Variants in PPP4R4 observed in about 807,000 individuals in gnomAD.
PPP4R4 encodes protein phosphatase 4 regulatory subunit 4.
A neutral mutation model predicts 121.8 loss-of-function variants in PPP4R4; 70 were observed. The observed-to-expected ratio is 0.57, with a 90% CI of 0.47 to 0.70. The LOEUF (loss-of-function observed/expected upper bound fraction) is 0.70. Ranked by LOEUF, PPP4R4 falls within the 30% of genes least tolerant of loss-of-function variation. PPP4R4 has a pLI of 0.00. For missense variants in PPP4R4, 875 were observed against 1,033.6 expected, an observed-to-expected ratio of 0.85 and a Z score of 2.10; for synonymous variants, 348 against 355.7, an observed-to-expected ratio of 0.98 and a Z score of 0.24.
At chr14:94,253,104 A>G (rs1893276513) in intron 16 of PPP4R4, among the ~76,000 whole-genome samples, 1 of 152,246 alleles carries the variant, frequency 6.6e-6, no homozygotes, top group Non-Finnish European at 1.5e-5. Flanking sequence ...TTTTTGTTGC[A>G]TATTTCTTGT....
intron 18 of PPP4R4, 149 bp from the exon 19 acceptor site, chr14:94,259,146 C>CA: frequency 7.3e-7 from 1 of 1,361,818 alleles, no homozygotes; most frequent in Non-Finnish European, 9.9e-7. Flanking sequence ...CCGGTCCCTC[C>CA]CACAACATGT....
At position 94,207,500 on chromosome 14, in the gene PPP4R4, C is replaced by G. The variant is rs1310744460; in HGVS notation, c.192-964C>G. On this transcript the variant is annotated intron_variant, in intron 2 of 24. Coordinates refer to ENST00000304338, the MANE Select transcript of PPP4R4 (RefSeq NM_058237.2). ...AGCAAAAATAATATTATTTTAAAAA[C>G]TATGTAAAACATGTATTAAAGTCTT... Among the ~76,000 whole-genome samples the G allele has an allele frequency of 4.6e-5, 7 of 151,940 alleles. No individual in the cohort carries two copies. The East Asian group carries it at 1.4e-3, about 29-fold the overall frequency.
chr14:94,219,801 G>GA (rs554528123), intron 3 of PPP4R4, among the ~76,000 whole-genome samples: 1 of 151,362 alleles, frequency 6.6e-6, no homozygotes, highest in Non-Finnish European at 1.5e-5. Context: ...ACTATTTCTG[G>GA]AAAAAAAAAT....
At chr14:94,277,379 AGCT>A (rs1201368736) in intron 24 of PPP4R4, among the ~76,000 whole-genome samples, 1 of 152,164 alleles carries the variant, frequency 6.6e-6, no homozygotes, top group Non-Finnish European at 1.5e-5. Context: ...TCCCAGCAGC[AGCT>A]AAGTGGTTGT....
At chr14:94,202,665 T>C (rs1890252012) in intron 2 of PPP4R4, among the ~76,000 whole-genome samples, 1 of 152,184 alleles carries the variant, frequency 6.6e-6, no homozygotes, top group South Asian at 2.1e-4. Context: ...AAAATTCTGT[T>C]ACATTAACTG....
intron 3 of PPP4R4, among the ~76,000 whole-genome samples, chr14:94,215,194 T>C (rs1725986773): frequency 6.6e-6 from 1 of 152,212 alleles, no homozygotes; most frequent in Admixed American, 6.5e-5. Context: ...CAGCTCCGTG[T>C]GATGTATTTA....
At chr14:94,206,274 T>C (rs146654085) in intron 2 of PPP4R4, among the ~76,000 whole-genome samples, 21 of 152,154 alleles carry the variant, frequency 1.4e-4, no homozygotes, top group African/African-American at 4.8e-4. Context: ...GATACTCATA[T>C]AGCCACTCCT....
intron 16 of PPP4R4, among the ~76,000 whole-genome samples, chr14:94,255,281 C>T (rs1031772534): frequency 2.0e-5 from 3 of 152,170 alleles, no homozygotes; most frequent in Admixed American, 6.5e-5. Context: ...AATCCCTCAG[C>T]ACATCCTGCT....
At chr14:94,244,783 C>T in intron 12 of PPP4R4, 71 bp downstream of exon 12, 2 of 1,366,462 alleles carry the variant, frequency 1.5e-6, no homozygotes, top group Non-Finnish European at 1.9e-6. Flanking sequence ...CCTTTTCTCC[C>T]CTTCTTCTTG....
intron 1 of PPP4R4, chr14:94,175,771 C>G (rs1362965877): frequency 2.2e-6 from 1 of 448,432 alleles, no homozygotes; most frequent in Non-Finnish European, 4.0e-6. Context: ...GGATTTCAGC[C>G]AAGGTTCTGA....
chr14:94,189,057 T>G (rs1051630881), intron 2 of PPP4R4, among the ~76,000 whole-genome samples: 1 of 152,124 alleles, frequency 6.6e-6, no homozygotes, highest in African/African-American at 2.4e-5. Context: ...GGGAGAAAAT[T>G]GACTTTTTTT....
At chr14:94,193,819 A>C (rs549786465) in intron 2 of PPP4R4, among the ~76,000 whole-genome samples, 303 of 152,346 alleles carry the variant, frequency 2.0e-3, no homozygotes, top group Admixed American at 5.8e-3. Context: ...TGACAAAAGG[A>C]ATGGGTTGCT....
At chr14:94,246,620 T>C (rs1566687210) in intron 14 of PPP4R4, 81 bp downstream of exon 14, 1 of 1,406,882 alleles carries the variant, frequency 7.1e-7, no homozygotes, top group Non-Finnish European at 9.7e-7. Context: ...ATTTTCAAAA[T>C]AGTAGAACAA....
At chr14:94,249,265 C>G (rs1034569438) in intron 14 of PPP4R4, among the ~76,000 whole-genome samples, 1 of 151,694 alleles carries the variant, frequency 6.6e-6, no homozygotes, top group Admixed American at 6.6e-5. Flanking sequence ...TTTAAATTTT[C>G]TTTTCTAAAT....
chr14:94,196,675 T>C (rs1434071691), intron 2 of PPP4R4, among the ~76,000 whole-genome samples: 2 of 152,158 alleles, frequency 1.3e-5, no homozygotes, highest in African/African-American at 4.8e-5. Flanking sequence ...TGAAGTATTA[T>C]TGTGTTTATT....
intron 3 of PPP4R4, chr14:94,227,298 G>C (rs755973128): frequency 2.5e-6 from 4 of 1,611,040 alleles, no homozygotes; most frequent in Non-Finnish European, 3.4e-6. Flanking sequence ...CCATGAGGAT[G>C]CACACTTATT....
chr14:94,241,956 C>T lies in PPP4R4; in HGVS notation c.1145C>T (p.Pro382Leu), dbSNP rs370117317. The T allele has an allele frequency of 1.3e-5, 20 of 1,579,662 alleles. No homozygotes were observed. The highest frequency in any genetic ancestry group is 5.9e-5 in the South Asian group (5 of 85,308). The part of the protein sequence containing the change: ...SVRKNCAYNF[P>L]AMIVFVDPKN... ...CGGAAGAACTGTGCTTATAACTTTC[C>T]GGTAATAAATATGTATTTATATTTA... Residue 382 changes from proline to leucine, a missense_variant and splice_region_variant, in exon 10 of 25, where the codon CCG (proline) becomes CTG (leucine). Physicochemically the swap from Pro to Leu is moderately conservative, Grantham distance 98. Transcript: ENST00000304338.
rs1343543709 is a variant in PPP4R4 at position 94,230,732 on chromosome 14, C to G, written c.440C>G (p.Thr147Arg). 6.2e-7 allele frequency: 1 copy of G among 1,612,306 alleles called. No individual in the cohort carries two copies. Among genetic ancestry groups the G allele is most frequent in the Non-Finnish European group, 8.5e-7 (1 of 1,178,780 alleles). Residue 147 changes from threonine to arginine, a missense_variant and splice_region_variant, in exon 4 of 25, where the codon ACA becomes AGA. By Grantham distance (71) the Thr-to-Arg change is moderately conservative (BLOSUM62 -1). Transcript: ENST00000304338. ...CTCCTGCATCTGGAGCACAGGGACA[C>G]AGGTCAGGGGCCTGGCATGCTTAAT... ...VILLHLEHRD[T>R]GVSNAWLETL...
At chr14:94,214,528 AAAG>A (rs1890919744) in intron 3 of PPP4R4, among the ~76,000 whole-genome samples, 1 of 151,778 alleles carries the variant, frequency 6.6e-6, no homozygotes, top group African/African-American at 2.4e-5. Flanking sequence ...ACAGAAAAAA[AAAG>A]AAAGAAATAA....
Sources: allele counts gnomAD v4.1 joint callset (sites outside exome capture counted in the v4.1 genomes callset), GRCh38; gene constraint gnomAD v4.1.1; transcripts MANE v1.5; gene names NCBI Gene and HGNC (gene_info 2026-07-23, HGNC 2026-07-21).